The following ULK4 variants were observed in gnomAD, a reference collection of about 807,000 sequenced individuals.
ULK4 encodes inactive serine/threonine-protein kinase ULK4.
Under a neutral mutation model 160.6 loss-of-function variants are expected in ULK4, and 133 were observed. That is an observed-to-expected ratio of 0.83 (90% CI 0.72 to 0.96). The LOEUF (loss-of-function observed/expected upper bound fraction) is 0.96, where lower values mean the gene tolerates loss of function less well. ULK4 is among the 40% of genes least tolerant of loss of function. The pLI, the probability that ULK4 is intolerant of heterozygous loss-of-function variation, is 0.00. For synonymous variants in ULK4, 534 were observed against 539.8 expected (o/e 0.99, Z 0.15); for missense variants, 1,580 against 1,499.5 (o/e 1.05, Z -0.89).
chr3:41,729,317 G>A (rs762162327), intron 22 of ULK4, among the ~76,000 whole-genome samples: 3 of 152,232 alleles, frequency 2.0e-5, no homozygotes, highest in Non-Finnish European at 2.9e-5. Flanking sequence ...CGTTGCTGAA[G>A]AATCTCGCAC....
chr3:41,506,900 C>T (rs1380966060), intron 32 of ULK4, among the ~76,000 whole-genome samples: 1 of 147,156 alleles, frequency 6.8e-6, no homozygotes, highest in Non-Finnish European at 1.5e-5. Context: ...GCAGAATGCG[C>T]ATTGGCGGGT....
At chr3:41,852,598 C>A (rs1031679185) in intron 17 of ULK4, among the ~76,000 whole-genome samples, 12 of 151,560 alleles carry the variant, frequency 7.9e-5, no homozygotes, top group African/African-American at 2.4e-4. Flanking sequence ...AAGAAGAAAA[C>A]TGAAGAAAAG....
intron 33 of ULK4, among the ~76,000 whole-genome samples, chr3:41,455,968 G>A (rs944823695): frequency 2.6e-5 from 4 of 152,014 alleles, no homozygotes; most frequent in African/African-American, 7.2e-5. Flanking sequence ...GTTGTGCAGT[G>A]GCACAATCTC....
At chr3:41,945,911 C>T (rs757505823) in intron 2 of ULK4, among the ~76,000 whole-genome samples, 13 of 152,096 alleles carry the variant, frequency 8.5e-5, no homozygotes, top group African/African-American at 1.7e-4. Flanking sequence ...TGACCAAAAA[C>T]GATCATCTGT....
At chr3:41,546,767 T>TAAAAA (rs1158675738) in intron 32 of ULK4, among the ~76,000 whole-genome samples, 2 of 32,536 alleles carry the variant, frequency 6.1e-5, no homozygotes, top group Non-Finnish European at 1.4e-4. Context: ...CCTAGGCCCT[T>TAAAAA]AAAAAAAAAA....
At chr3:41,910,858 G>A (rs1489879063) in intron 11 of ULK4, among the ~76,000 whole-genome samples, 1 of 152,074 alleles carries the variant, frequency 6.6e-6, no homozygotes, top group Non-Finnish European at 1.5e-5. Context: ...AGCTACTTGA[G>A]AGGCTAAAGT....
chr3:41,639,714 C>T (rs1004663224), intron 30 of ULK4, among the ~76,000 whole-genome samples: 2 of 152,138 alleles, frequency 1.3e-5, no homozygotes, highest in African/African-American at 4.8e-5. Context: ...GGTAACAGAG[C>T]TAGACTTCAT....
chr3:41,892,138 T>C (rs2148781837), intron 16 of ULK4, among the ~76,000 whole-genome samples: 1 of 152,352 alleles, frequency 6.6e-6, no homozygotes, highest in South Asian at 2.1e-4. Flanking sequence ...TGAGAGAAGA[T>C]ATTTGCAATC....
intron 4 of ULK4, among the ~76,000 whole-genome samples, chr3:41,935,346 C>CCT (rs1197960459): frequency 6.6e-6 from 1 of 151,762 alleles, no homozygotes; most frequent in Non-Finnish European, 1.5e-5. Context: ...CCTGCCTCAG[C>CCT]CTCTCAGATA....
At chr3:41,616,047 CCT>C (rs985303871) in intron 30 of ULK4, among the ~76,000 whole-genome samples, 76 of 152,088 alleles carry the variant, frequency 5.0e-4, no homozygotes, top group African/African-American at 1.8e-3. Context: ...TGTAACCAAC[CCT>C]CTCTGCACTG....
intron 30 of ULK4, among the ~76,000 whole-genome samples, chr3:41,639,106 T>C (rs1310520083): frequency 6.6e-6 from 1 of 151,998 alleles, no homozygotes; most frequent in Non-Finnish European, 1.5e-5. Context: ...CATCAGGAGA[T>C]TTTGTGTAGC....
chr3:41,883,563 C>T (rs1192661901), intron 17 of ULK4, among the ~76,000 whole-genome samples: 2 of 152,182 alleles, frequency 1.3e-5, no homozygotes, highest in African/African-American at 2.4e-5. Flanking sequence ...CTAGGAAATA[C>T]ATTAGTCTGT....
intron 30 of ULK4, among the ~76,000 whole-genome samples, chr3:41,654,843 T>C (rs1466638568): frequency 3.3e-5 from 5 of 152,214 alleles, no homozygotes; most frequent in African/African-American, 4.8e-5. Context: ...AGAAACCTTG[T>C]ATTTTATTCT....
At chr3:41,584,626 C>A (rs937573228) in intron 31 of ULK4, among the ~76,000 whole-genome samples, 3 of 152,128 alleles carry the variant, frequency 2.0e-5, no homozygotes, top group Admixed American at 2.0e-4. Flanking sequence ...AATAACACAG[C>A]AACAACTTTC....
intron 32 of ULK4, among the ~76,000 whole-genome samples, chr3:41,550,782 G>A (rs971941527): frequency 2.0e-5 from 3 of 151,932 alleles, no homozygotes; most frequent in African/African-American, 7.2e-5. Context: ...TAGATCATAT[G>A]GACCTAACAT....
chr3:41,481,031 T>C (rs1215272239), intron 32 of ULK4, among the ~76,000 whole-genome samples: 1 of 152,172 alleles, frequency 6.6e-6, no homozygotes, highest in Non-Finnish European at 1.5e-5. Flanking sequence ...CCAAACTGTA[T>C]CAGTGTATAA....
chr3:41,782,194 G>C (rs1322001231), intron 21 of ULK4, among the ~76,000 whole-genome samples: 1 of 148,020 alleles, frequency 6.8e-6, no homozygotes, highest in East Asian at 1.9e-4. Flanking sequence ...GTATGTCTTT[G>C]CAAGGACTAT....
intron 19 of ULK4, among the ~76,000 whole-genome samples, chr3:41,802,302 C>T (rs545286724): frequency 6.6e-6 from 1 of 152,040 alleles, no homozygotes; most frequent in Non-Finnish European, 1.5e-5. Flanking sequence ...GCTGCAGCTG[C>T]TGTTTTTCTT....
intron 17 of ULK4, among the ~76,000 whole-genome samples, chr3:41,873,619 T>C (rs1697195605): frequency 1.3e-5 from 2 of 152,226 alleles, no homozygotes; most frequent in Admixed American, 1.3e-4. Flanking sequence ...AGTTGTGCGA[T>C]CTCAGCTCAC....
Sources: allele counts gnomAD v4.1 joint callset (sites outside exome capture counted in the v4.1 genomes callset), GRCh38; gene constraint gnomAD v4.1.1; transcripts MANE v1.5; gene names NCBI Gene and HGNC (gene_info 2026-07-23, HGNC 2026-07-21).